The following MELK variants were observed in gnomAD, a reference collection of about 807,000 sequenced individuals.
The protein encoded by MELK is pEg3 kinase.
In MELK, 81 loss-of-function variants were observed where a neutral mutation model predicts 85.0. The ratio of observed to expected loss-of-function variants is 0.95; its 90% CI spans 0.80 to 1.15. MELK has a LOEUF of 1.15. MELK is among the 50% of genes most tolerant of loss of function. MELK has a pLI of 0.00. For missense variants in MELK, 754 were observed against 777.5 expected (o/e 0.97, Z 0.36); for synonymous variants, 252 against 265.0 (o/e 0.95, Z 0.48).
Position 36,666,908 on chromosome 9 carries a change from ATG to A in MELK, c.1408+1328_1408+1329del, listed in dbSNP as rs1666728057. On this transcript the variant is annotated intron_variant, in intron 14 of 17. Coordinates refer to ENST00000298048, the MANE Select transcript of MELK (RefSeq NM_014791.4). Reference sequence around the variant, plus strand: ...GTGTGTGTGTGTGTGTGTGTGTGTGATGGTGTGTGTGTGGGGGGGTGCGGTGG... The same window carrying A: ...GTGTGTGTGTGTGTGTGTGTGTGTGAGTGTGTGTGTGGGGGGGTGCGGTGG... Among the ~76,000 whole-genome samples, 9 of 73,406 alleles carry A rather than the reference ATG, an allele frequency of 1.2e-4. 1 individual carries two copies. Among genetic ancestry groups the A allele is most frequent in the Admixed American group, 1.0e-3 (8 of 7,866 alleles). 48.2% of individuals were successfully genotyped at this position (73,406 alleles called of 152,430 possible). A position where few individuals can be genotyped will look rare whatever the true frequency, so the allele number is the denominator to read the frequency against.
intron 6 of MELK, 64 bp downstream of exon 6, chr9:36,597,354 TTTG>T: frequency 1.4e-6 from 2 of 1,433,218 alleles, no homozygotes; most frequent in Non-Finnish European, 9.7e-7. Context: ...AGTGTGTGAT[TTTG>T]TCCTGACTTC....
chr9:36,588,413 CTT>C (rs1823177792), intron 3 of MELK, among the ~76,000 whole-genome samples: 1 of 138,068 alleles, frequency 7.2e-6, no homozygotes, highest in Admixed American at 7.5e-5. Context: ...GAGTTTCGCT[CTT>C]GTTGCCCAGG....
chr9:36,654,714 A>C (rs565146033), intron 12 of MELK, among the ~76,000 whole-genome samples: 96 of 152,194 alleles, frequency 6.3e-4, no homozygotes, highest in African/African-American at 2.2e-3. Flanking sequence ...ATGAGTTGTA[A>C]GTGGAAAAGA....
chr9:36,660,156 A>AT (rs777830875), intron 13 of MELK, among the ~76,000 whole-genome samples: 3 of 152,060 alleles, frequency 2.0e-5, no homozygotes, highest in African/African-American at 7.2e-5. Context: ...CATCCTATAC[A>AT]TGTACATTGG....
At chr9:36,641,502 G>A (rs982546873) in intron 10 of MELK, among the ~76,000 whole-genome samples, 1 of 152,108 alleles carries the variant, frequency 6.6e-6, no homozygotes, top group Non-Finnish European at 1.5e-5. Context: ...TCAGGCAGCA[G>A]GAGGGAGATG....
intron 1 of MELK, 102 bp from the exon 2 acceptor site, chr9:36,581,542 A>G: frequency 1.6e-6 from 1 of 617,020 alleles, no homozygotes; most frequent in South Asian, 2.1e-5. Flanking sequence ...TTTTTTCAGT[A>G]TCATGTAAAT....
At chr9:36,628,869 T>TC (rs1564181256) in intron 8 of MELK, among the ~76,000 whole-genome samples, 1 of 149,046 alleles carries the variant, frequency 6.7e-6, no homozygotes, top group Admixed American at 6.6e-5. Flanking sequence ...TTTTCTTTTT[T>TC]TTTTTTTTTT....
chr9:36,635,017 A>C (rs73439116), intron 10 of MELK, among the ~76,000 whole-genome samples: 1 of 152,154 alleles, frequency 6.6e-6, no homozygotes, highest in South Asian at 2.1e-4. Context: ...TTTCCTCGAG[A>C]CAGCTATCAA....
At position 36,585,309 on chromosome 9, in the gene MELK, T is replaced by G. The variant is rs548803463; in HGVS notation, c.144+1597T>G. ...TTCCTTCTACCATTCTTTGTTTTTT[T>G]TTTTTTTTTTTTTTTTGAGATGGAG... On this transcript the variant is annotated intron_variant, in intron 3 of 17. Coordinates refer to ENST00000298048, the MANE Select transcript of MELK (RefSeq NM_014791.4). 1.1e-4 allele frequency among the ~76,000 whole-genome samples: 16 copies of G among 140,550 alleles called. No homozygotes were observed. The East Asian group carries it at 3.0e-3, about 26-fold the overall frequency. The allele number at this position is 140,550 out of a possible 152,430, so 92.2% of individuals were successfully genotyped here. A position where few individuals can be genotyped will look rare whatever the true frequency, so the allele number is the denominator to read the frequency against.
intron 11 of MELK, among the ~76,000 whole-genome samples, chr9:36,649,382 G>T (rs1830492019): frequency 6.6e-6 from 1 of 152,168 alleles, no homozygotes; most frequent in African/African-American, 2.4e-5. Flanking sequence ...AGCTACTCGG[G>T]AGTCTGAGGC....
intron 14 of MELK, among the ~76,000 whole-genome samples, chr9:36,666,301 G>A (rs7022049): frequency 0.029 from 4,352 of 152,208 alleles, 206 homozygotes; most frequent in African/African-American, 0.099. Flanking sequence ...TTCTAGACTA[G>A]GTCTCACTAG....
intron 8 of MELK, among the ~76,000 whole-genome samples, chr9:36,614,986 G>A (rs1826450892): frequency 1.4e-5 from 2 of 147,284 alleles, no homozygotes; most frequent in African/African-American, 5.1e-5. Context: ...GCCGGGCAGA[G>A]GGGCTCCTCA....
At chr9:36,621,926 C>G (rs1410686280) in intron 8 of MELK, among the ~76,000 whole-genome samples, 1 of 152,106 alleles carries the variant, frequency 6.6e-6, no homozygotes, top group Non-Finnish European at 1.5e-5. Context: ...AGGGAGAGAG[C>G]TTACCTTAAA....
intron 1 of MELK, among the ~76,000 whole-genome samples, chr9:36,577,010 T>G (rs1208577515): frequency 6.6e-6 from 1 of 152,222 alleles, no homozygotes; most frequent in Non-Finnish European, 1.5e-5. Context: ...CATCATTGTA[T>G]GAAGGGCCTT....
intron 8 of MELK, among the ~76,000 whole-genome samples, chr9:36,627,849 C>T (rs1564180011): frequency 6.7e-6 from 1 of 150,082 alleles, no homozygotes; most frequent in Non-Finnish European, 1.5e-5. Context: ...CTTATTTATC[C>T]CTTGCCAGGG....
intron 12 of MELK, 143 bp from the exon 13 acceptor site, chr9:36,657,098 C>A: frequency 1.0e-6 from 1 of 973,126 alleles, no homozygotes; most frequent in South Asian, 1.8e-5. Context: ...TGTGTAAGTA[C>A]ATTTTATGAT....
chr9:36,634,434 G>T (rs763531881), intron 10 of MELK, among the ~76,000 whole-genome samples: 4 of 152,184 alleles, frequency 2.6e-5, no homozygotes, highest in Non-Finnish European at 5.9e-5. Flanking sequence ...AATTAGGCCA[G>T]GCACGGTGGC....
At chr9:36,575,217 G>A (rs1301533128) in intron 1 of MELK, among the ~76,000 whole-genome samples, 1 of 152,218 alleles carries the variant, frequency 6.6e-6, no homozygotes, top group African/African-American at 2.4e-5. Context: ...GCACTCAGGT[G>A]TCTGATTGGG....
At chr9:36,672,964 AT>A (rs1389811312) in intron 16 of MELK, among the ~76,000 whole-genome samples, 1 of 151,940 alleles carries the variant, frequency 6.6e-6, no homozygotes, top group African/African-American at 2.4e-5. Context: ...AATTAACCTT[AT>A]TTTTTTTCAC....
Sources: allele counts gnomAD v4.1 joint callset (sites outside exome capture counted in the v4.1 genomes callset), GRCh38; gene constraint gnomAD v4.1.1; transcripts MANE v1.5; gene names NCBI Gene and HGNC (gene_info 2026-07-23, HGNC 2026-07-21).